Variants in CNTN6 observed in about 807,000 individuals in gnomAD.
CNTN6 encodes the protein contactin-6.
A neutral mutation model predicts 122.8 loss-of-function variants in CNTN6; 137 were observed. The observed-to-expected ratio is 1.12, with a 90% CI of 0.97 to 1.29. The LOEUF (loss-of-function observed/expected upper bound fraction) is 1.29, where lower values mean the gene tolerates loss of function less well. Among genes scored for constraint, CNTN6 ranks in the 50% most tolerant of loss-of-function variants. CNTN6 has a pLI of 0.00. For missense variants in CNTN6, 1,634 were observed against 1,223.4 expected (o/e 1.34, Z -5.01); for synonymous variants, 570 against 426.0 (o/e 1.34, Z -4.16).
chr3:1,228,416 C>T (rs557409903), intron 4 of CNTN6, among the ~76,000 whole-genome samples: 3 of 152,128 alleles, frequency 2.0e-5, no homozygotes, highest in Non-Finnish European at 4.4e-5. Flanking sequence ...ATCATGCACC[C>T]GTAGTTTGAT....
At chr3:1,340,647 A>G (rs1357319488) in intron 11 of CNTN6, among the ~76,000 whole-genome samples, 5 of 152,178 alleles carry the variant, frequency 3.3e-5, no homozygotes, top group African/African-American at 1.2e-4. Context: ...AAAGAGTCAC[A>G]CCCAGGTTGG....
At chr3:1,135,454 C>G (rs1057278661) in intron 1 of CNTN6, among the ~76,000 whole-genome samples, 1 of 152,148 alleles carries the variant, frequency 6.6e-6, no homozygotes, top group East Asian at 1.9e-4. Flanking sequence ...CAGTGTACAT[C>G]CTGCTGTCAG....
intron 4 of CNTN6, among the ~76,000 whole-genome samples, chr3:1,259,822 T>A (rs1305920248): frequency 1.3e-5 from 2 of 152,154 alleles, no homozygotes; most frequent in African/African-American, 4.8e-5. Context: ...TATCCATGTA[T>A]AATAATATTT....
intron 11 of CNTN6, among the ~76,000 whole-genome samples, chr3:1,341,990 AC>A (rs1703957143): frequency 6.6e-6 from 1 of 152,170 alleles, no homozygotes; most frequent in South Asian, 2.1e-4. Flanking sequence ...CTACCTAAAG[AC>A]CCTGAATCAT....
intron 2 of CNTN6, among the ~76,000 whole-genome samples, chr3:1,182,326 G>T (rs2125341912): frequency 6.6e-6 from 1 of 152,280 alleles, no homozygotes; most frequent in Middle Eastern, 3.4e-3. Flanking sequence ...TTTCAAGGAG[G>T]TACTCCAGGT....
chr3:1,136,851 C>T (rs996826329), intron 1 of CNTN6, among the ~76,000 whole-genome samples: 2 of 152,116 alleles, frequency 1.3e-5, no homozygotes, highest in African/African-American at 4.8e-5. Context: ...GCACTTTGTC[C>T]AGTTACTTAG....
intron 1 of CNTN6, among the ~76,000 whole-genome samples, chr3:1,144,123 C>T (rs950823958): frequency 1.3e-5 from 2 of 152,070 alleles, no homozygotes; most frequent in African/African-American, 2.4e-5. Flanking sequence ...GACACCACGC[C>T]GAGTATTACG....
At chr3:1,248,124 G>A (rs1033943363) in intron 4 of CNTN6, among the ~76,000 whole-genome samples, 16 of 152,154 alleles carry the variant, frequency 1.1e-4, no homozygotes, top group African/African-American at 3.1e-4. Flanking sequence ...ACTAGGTTTC[G>A]AGTATTTCCT....
intron 7 of CNTN6, 128 bp downstream of exon 7, chr3:1,298,119 G>T (rs1013064716): frequency 3.1e-6 from 2 of 639,098 alleles, no homozygotes; most frequent in Non-Finnish European, 5.4e-6. Context: ...GGCAACAGTG[G>T]AACTTTCTGA....
intron 5 of CNTN6, among the ~76,000 whole-genome samples, chr3:1,289,598 A>C (rs1005251554): frequency 1.3e-5 from 2 of 152,144 alleles, no homozygotes; most frequent in Non-Finnish European, 1.5e-5. Flanking sequence ...CACCATTCAA[A>C]ATCCAGGCGT....
chr3:1,389,525 T>TAACA (rs555766615), intron 20 of CNTN6, among the ~76,000 whole-genome samples: 154 of 152,278 alleles, frequency 1.0e-3, no homozygotes, highest in African/African-American at 3.4e-3. Flanking sequence ...AATCACCAGC[T>TAACA]AACATCATAA....
intron 16 of CNTN6, among the ~76,000 whole-genome samples, 189 bp from the exon 17 acceptor site, chr3:1,376,816 A>G (rs1252733450): frequency 6.6e-6 from 1 of 152,170 alleles, no homozygotes; most frequent in Non-Finnish European, 1.5e-5. Flanking sequence ...TCATGTATCA[A>G]ACACAACTGT....
chr3:1,113,430 A>C (rs1002774899), intron 1 of CNTN6, among the ~76,000 whole-genome samples: 1 of 152,202 alleles, frequency 6.6e-6, no homozygotes, highest in Non-Finnish European at 1.5e-5. Flanking sequence ...TAAGTAAATA[A>C]CAAATTATCA....
rs1559595003 is a variant in CNTN6 at position 1,245,217 on chromosome 3, T to TATATATATAAC, written c.358+17233_358+17234insACATATATATA. Among the ~76,000 whole-genome samples, 66 of 23,810 alleles carry TATATATATAAC rather than the reference T, an allele frequency of 2.8e-3. 6 individuals carry two copies. Among genetic ancestry groups the TATATATATAAC allele is most frequent in the African/African-American group, 0.011 (35 of 3,152 alleles). 15.6% of individuals were successfully genotyped at this position (23,810 alleles called of 152,430 possible). A position where few individuals can be genotyped will look rare whatever the true frequency, so the allele number is the denominator to read the frequency against. ...AATGTGATATATATATATATATATA[T>TATATATATAAC]ATATATATATATATATATACACACA... On this transcript the variant is annotated intron_variant, in intron 4 of 22. Transcript: ENST00000446702.
chr3:1,401,342 G>T, intron 20 of CNTN6, 91 bp from the exon 21 acceptor site: 1 of 995,354 alleles, frequency 1.0e-6, no homozygotes, highest in South Asian at 1.5e-5. Flanking sequence ...GCAAATCATC[G>T]AAGACTTATT....
chr3:1,297,345 C>G (rs1229469551), intron 6 of CNTN6, among the ~76,000 whole-genome samples: 2 of 152,110 alleles, frequency 1.3e-5, no homozygotes, highest in African/African-American at 2.4e-5. Flanking sequence ...TCTGTTACAA[C>G]TCCTCTGGTA....
At chr3:1,374,879 G>A (rs1709634508) in intron 16 of CNTN6, among the ~76,000 whole-genome samples, 1 of 152,006 alleles carries the variant, frequency 6.6e-6, no homozygotes, top group Non-Finnish European at 1.5e-5. Flanking sequence ...TCATAGAATT[G>A]GGGCTAGAAA....
At position 1,181,514 on chromosome 3, in the gene CNTN6, T is replaced by C. The variant is rs1208903371; in HGVS notation, c.55+33451T>C. Among the ~76,000 whole-genome samples the C allele has an allele frequency of 4.6e-5, 7 of 152,296 alleles. No individual in the cohort carries two copies. In the East Asian group the frequency reaches 1.2e-3, roughly 25 times the overall value. On this transcript the variant is annotated intron_variant, in intron 2 of 22. Transcript: ENST00000446702. ...CAAATATAGCATTTGTCTTTGTTTGTGTATTTTTAATGAGCCGAATAACAC... is the reference window on the plus strand; with the variant it reads ...CAAATATAGCATTTGTCTTTGTTTGCGTATTTTTAATGAGCCGAATAACAC...
rs182472185 is a variant in CNTN6 at position 1,232,815 on chromosome 3, G to C, written c.358+4822G>C. Among the ~76,000 whole-genome samples, 3 of 152,332 alleles carry C rather than the reference G, an allele frequency of 2.0e-5. No individual in the cohort carries two copies. In the East Asian group the frequency reaches 5.8e-4, roughly 29 times the overall value. On this transcript the variant is annotated intron_variant, in intron 4 of 22. Transcript: ENST00000446702. ...TTTGTCTGAATTGGAGAAAAGGCAA[G>C]GGAAGCCTTTCAAAGGAAATGGGGC...
Sources: gnomAD v4.1 joint callset for allele counts (sites outside exome capture counted in the v4.1 genomes callset) on GRCh38, gnomAD v4.1.1 for gene constraint, MANE v1.5 for transcripts, NCBI Gene and HGNC (gene_info 2026-07-23, HGNC 2026-07-21) for gene names.